GALNT10: variants seen among roughly 807,000 people sequenced by gnomAD.
The protein encoded by GALNT10 is polypeptide N-acetylgalactosaminyltransferase 10.
GALNT10 carries 41 observed loss-of-function variants against 75.0 expected under a neutral mutation model. The ratio of observed to expected loss-of-function variants is 0.55; its 90% CI spans 0.43 to 0.71. The LOEUF is 0.71. Ranked by LOEUF, GALNT10 falls within the 30% of genes least tolerant of loss-of-function variation. The pLI, the probability that GALNT10 is intolerant of heterozygous loss-of-function variation, is 0.00. For synonymous variants in GALNT10, 302 were observed against 313.0 expected, an observed-to-expected ratio of 0.96 and a Z score of 0.37; for missense variants, 727 against 818.5, an observed-to-expected ratio of 0.89 and a Z score of 1.36.
At chr5:154,237,347 G>A (rs1479817116) in intron 1 of GALNT10, among the ~76,000 whole-genome samples, 1 of 152,192 alleles carries the variant, frequency 6.6e-6, no homozygotes, top group Non-Finnish European at 1.5e-5. Flanking sequence ...AAGAAGTTGA[G>A]CGTTTTGAGA....
At chr5:154,249,661 C>G (rs1753484932) in intron 1 of GALNT10, among the ~76,000 whole-genome samples, 1 of 152,100 alleles carries the variant, frequency 6.6e-6, no homozygotes, top group Non-Finnish European at 1.5e-5. Context: ...ACACCTGCCC[C>G]AAACAGTTGA....
At chr5:154,219,838 T>TCTCACA (rs1491445463) in intron 1 of GALNT10, among the ~76,000 whole-genome samples, 23 of 125,666 alleles carry the variant, frequency 1.8e-4, no homozygotes, top group African/African-American at 6.3e-4. Context: ...TCTCTCTCTC[T>TCTCACA]CACACACACA....
chr5:154,353,614 G>A (rs1400286768), intron 4 of GALNT10, among the ~76,000 whole-genome samples: 1 of 152,190 alleles, frequency 6.6e-6, no homozygotes, highest in Non-Finnish European at 1.5e-5. Context: ...TAGACTTTAG[G>A]GATACCCTGA....
At chr5:154,288,049 C>T (rs1443998625) in intron 1 of GALNT10, among the ~76,000 whole-genome samples, 1 of 151,962 alleles carries the variant, frequency 6.6e-6, no homozygotes, top group Non-Finnish European at 1.5e-5. Context: ...AAAGCAAAAT[C>T]ATTTCATTGC....
intron 1 of GALNT10, among the ~76,000 whole-genome samples, chr5:154,269,552 A>G (rs544807775): frequency 6.6e-6 from 1 of 152,338 alleles, no homozygotes; most frequent in Non-Finnish European, 1.5e-5. Flanking sequence ...GAGCCCTGAC[A>G]TATTTCAGAA....
chr5:154,278,729 T>C (rs1753991413), intron 1 of GALNT10, among the ~76,000 whole-genome samples: 2 of 152,186 alleles, frequency 1.3e-5, no homozygotes, highest in African/African-American at 4.8e-5. Flanking sequence ...CCCTGTAACC[T>C]CTGTTCTACT....
chr5:154,209,091 G>T (rs1214116662), intron 1 of GALNT10, among the ~76,000 whole-genome samples: 1 of 152,216 alleles, frequency 6.6e-6, no homozygotes, highest in African/African-American at 2.4e-5. Flanking sequence ...AATGGGTGCT[G>T]GGAGAAGCTG....
Position 154,261,980 on chromosome 5 carries a change from T to C in GALNT10, c.160-32836T>C, listed in dbSNP as rs144870980. On this transcript the variant is annotated intron_variant, in intron 1 of 11. Coordinates refer to ENST00000297107, the MANE Select transcript of GALNT10 (RefSeq NM_198321.4). ...CTATTTGGGGATGAAGGAGATAGCA[T>C]GTATGGAAGAGTCGTGGGATACTCC... 3.2e-3 allele frequency among the ~76,000 whole-genome samples: 480 copies of C among 152,274 alleles called. 2 individuals are homozygous for C. The highest frequency in any genetic ancestry group is 0.011 in the African/African-American group (465 of 41,560).
chr5:154,206,618 G>A (rs1312455911), intron 1 of GALNT10, among the ~76,000 whole-genome samples: 1 of 152,216 alleles, frequency 6.6e-6, no homozygotes, highest in Non-Finnish European at 1.5e-5. Flanking sequence ...TCCTGAAGAA[G>A]GTTAAAACTT....
Position 154,396,317 on chromosome 5 carries a change from G to A in GALNT10, c.1057-7787G>A, listed in dbSNP as rs6876613. 9.3e-4 allele frequency among the ~76,000 whole-genome samples: 142 copies of A among 152,306 alleles called. 1 individual carries two copies. The highest frequency in any genetic ancestry group is 3.2e-3 in the African/African-American group (134 of 41,570). ...CAGGGCAGAAAAGTGAATGCATTGC[G>A]GCCAGTTGTCAGCAGCATCCACATA... On this transcript the variant is annotated intron_variant, in intron 7 of 11. Transcript: ENST00000297107.
chr5:154,365,764 C>T (rs1755465990), intron 4 of GALNT10, among the ~76,000 whole-genome samples: 1 of 152,148 alleles, frequency 6.6e-6, no homozygotes, highest in Non-Finnish European at 1.5e-5. Flanking sequence ...CCACACTCAG[C>T]CTTACTGGTT....
intron 4 of GALNT10, among the ~76,000 whole-genome samples, chr5:154,341,464 G>C (rs775216886): frequency 7.2e-5 from 11 of 152,174 alleles, no homozygotes; most frequent in Non-Finnish European, 1.5e-5. Context: ...GTGAAAGCAG[G>C]TGGAATTATA....
chr5:154,283,278 TAA>T (rs59422213), intron 1 of GALNT10, among the ~76,000 whole-genome samples: 36 of 79,508 alleles, frequency 4.5e-4, no homozygotes, highest in Admixed American at 1.6e-3. Flanking sequence ...ACCTCGTCTG[TAA>T]AAAAAAAAAA....
At chr5:154,216,928 ATCTCCTCTCC>A (rs770569831) in intron 1 of GALNT10, among the ~76,000 whole-genome samples, 11 of 151,948 alleles carry the variant, frequency 7.2e-5, no homozygotes, top group Non-Finnish European at 8.8e-5. Flanking sequence ...GAAAAAAAAA[ATCTCCTCTCC>A]TATCCTCCAG....
rs985579861 is a variant in GALNT10, at chr5:154,412,597, C to T, written c.1387-292C>T. ...GGTTCAATTTCTCCAGGAGTAGGGC[C>T]AGGGAGTCCTTTACCAACTCCTCAC... On this transcript the variant is annotated intron_variant, in intron 9 of 11. Transcript: ENST00000297107. This position sits in a 1 kb window ranked among gnomAD's most constrained non-coding sequence, Gnocchi z 4.2. The T allele has an allele frequency of 9.0e-6, 3 of 332,992 alleles. No homozygotes were observed. Among genetic ancestry groups the T allele is most frequent in the Non-Finnish European group, 1.7e-5 (3 of 177,216 alleles). The allele number at this position is 332,992 out of a possible 1,614,324, so 20.6% of individuals were successfully genotyped here.
Position 154,376,276 on chromosome 5 carries a change from G to A in GALNT10, c.569-1G>A. On this transcript the variant is annotated splice_acceptor_variant, in intron 4 of 11. Transcript: ENST00000297107. LOFTEE classifies it high-confidence loss of function. The surrounding 1 kb of genome is among the most constrained non-coding windows in gnomAD (Gnocchi z 4.1). ...CTCTTCTGTCCTCTTCTGTCTCATA[G>A]AGCACCTGAAGAAGCCTCTTGAAGA... The A allele has an allele frequency of 6.3e-7, 1 of 1,599,684 alleles. No homozygotes were observed. The highest frequency in any genetic ancestry group is 8.6e-7 in the Non-Finnish European group (1 of 1,168,298).
chr5:154,285,966 T>G (rs72808637), intron 1 of GALNT10, among the ~76,000 whole-genome samples: 2 of 152,138 alleles, frequency 1.3e-5, no homozygotes, highest in Non-Finnish European at 2.9e-5. Flanking sequence ...CTTTTCCCTC[T>G]GTCTGGAATG....
chr5:154,283,060 G>A (rs1754060746), intron 1 of GALNT10, among the ~76,000 whole-genome samples: 1 of 152,122 alleles, frequency 6.6e-6, no homozygotes, highest in Non-Finnish European at 1.5e-5. Context: ...GCAGTTTGCT[G>A]TGGTCTGGGA....
At chr5:154,227,416 A>C (rs1753080712) in intron 1 of GALNT10, among the ~76,000 whole-genome samples, 1 of 152,162 alleles carries the variant, frequency 6.6e-6, no homozygotes, top group Non-Finnish European at 1.5e-5. Context: ...AATGATACTG[A>C]GCATCTTTTT....
Sources: gnomAD v4.1 joint callset for allele counts (sites outside exome capture counted in the v4.1 genomes callset) on GRCh38, gnomAD v4.1.1 for gene constraint, Gnocchi (gnomAD v3.1) non-coding constraint, MANE v1.5 for transcripts, NCBI Gene and HGNC (gene_info 2026-07-23, HGNC 2026-07-21) for gene names.